AFG2A: variants seen among roughly 807,000 people sequenced by gnomAD.
AFG2A encodes the protein AAA ATPase AFG2A.
the AFG2A span, among the ~76,000 whole-genome samples, chr4:123,160,921 AAT>A: frequency 1.3e-5 from 2 of 152,196 alleles, no homozygotes; most frequent in Non-Finnish European, 2.9e-5. Flanking sequence ...CAATTATAAC[AAT>A]ATGCTATAAT....
At chr4:123,213,379 A>G in the AFG2A span, among the ~76,000 whole-genome samples, 1 of 152,144 alleles carries the variant, frequency 6.6e-6, no homozygotes, top group African/African-American at 2.4e-5. Flanking sequence ...CCTAACAACA[A>G]CAAAAATCTT....
chr4:123,155,840 A>G, the AFG2A span, among the ~76,000 whole-genome samples: 3 of 152,174 alleles, frequency 2.0e-5, no homozygotes, highest in Non-Finnish European at 2.9e-5. Flanking sequence ...AGCAACTAAA[A>G]TGTTGTTTTT....
the AFG2A span, chr4:122,935,841 C>G: frequency 2.5e-6 from 4 of 1,603,692 alleles, no homozygotes; most frequent in Non-Finnish European, 3.4e-6. Flanking sequence ...AAATTATAAG[C>G]AAGTAAGTAC....
chr4:122,981,249 G>A, the AFG2A span, among the ~76,000 whole-genome samples: 1 of 152,140 alleles, frequency 6.6e-6, no homozygotes, highest in Non-Finnish European at 1.5e-5. Context: ...TGGATATACA[G>A]TTTTCCTGAC....
At chr4:123,081,241 C>A in the AFG2A span, among the ~76,000 whole-genome samples, 1 of 152,194 alleles carries the variant, frequency 6.6e-6, no homozygotes, top group Non-Finnish European at 1.5e-5. Context: ...CATTAAAAAT[C>A]CTTTGTGCCA....
At chr4:123,244,433 C>A in the AFG2A span, among the ~76,000 whole-genome samples, 1 of 152,190 alleles carries the variant, frequency 6.6e-6, no homozygotes, top group Non-Finnish European at 1.5e-5. Context: ...TCTGCAAGTG[C>A]AGGCAGGCAG....
chr4:123,115,240 C>T, the AFG2A span, among the ~76,000 whole-genome samples: 15,931 of 151,990 alleles, frequency 0.1, 939 homozygotes, highest in Middle Eastern at 0.2. Context: ...GAGACCCTGC[C>T]GGGGGGCACC....
the AFG2A span, among the ~76,000 whole-genome samples, chr4:123,197,910 C>T: frequency 6.6e-6 from 1 of 152,096 alleles, no homozygotes; most frequent in Non-Finnish European, 1.5e-5. Flanking sequence ...CTGAACAACA[C>T]ATTCCATTTA....
chr4:123,258,920 G>T, the AFG2A span, among the ~76,000 whole-genome samples: 1 of 142,648 alleles, frequency 7.0e-6, no homozygotes, highest in Non-Finnish European at 1.5e-5. Flanking sequence ...AGGCTGGAGT[G>T]CAGTGGCACG....
the AFG2A span, among the ~76,000 whole-genome samples, chr4:123,071,107 G>A: frequency 6.6e-6 from 1 of 152,170 alleles, no homozygotes; most frequent in Non-Finnish European, 1.5e-5. Context: ...ATCAGTGCCT[G>A]CAGGTTCAGG....
the AFG2A span, among the ~76,000 whole-genome samples, chr4:123,237,758 C>A: frequency 2.7e-5 from 4 of 150,794 alleles, no homozygotes; most frequent in African/African-American, 9.7e-5. Context: ...CCAGCATGAT[C>A]GACACAGAAG....
At chr4:123,155,095 T>C in the AFG2A span, among the ~76,000 whole-genome samples, 4,386 of 152,216 alleles carry the variant, frequency 0.029, 86 homozygotes, top group Non-Finnish European at 0.036. Flanking sequence ...TTTGTTTGTT[T>C]ATTTATTTAG....
chr4:123,160,289 A>G, the AFG2A span, among the ~76,000 whole-genome samples: 1 of 152,158 alleles, frequency 6.6e-6, no homozygotes, highest in Non-Finnish European at 1.5e-5. Flanking sequence ...TGGAGTACAG[A>G]CCTGCCCGTA....
chr4:123,112,960 G>A, the AFG2A span, among the ~76,000 whole-genome samples: 26 of 152,106 alleles, frequency 1.7e-4, no homozygotes, highest in Non-Finnish European at 3.1e-4. Context: ...GTTAAATCTG[G>A]TTTATAACTA....
At chr4:122,955,889 G>A in the AFG2A span, among the ~76,000 whole-genome samples, 37 of 152,294 alleles carry the variant, frequency 2.4e-4, no homozygotes, top group African/African-American at 8.9e-4. Flanking sequence ...ACAGGGATTA[G>A]TGGGCCTGGT....
At chr4:123,266,192 A>T in the AFG2A span, among the ~76,000 whole-genome samples, 3 of 152,018 alleles carry the variant, frequency 2.0e-5, no homozygotes, top group Non-Finnish European at 4.4e-5. Flanking sequence ...AACTCTTTTT[A>T]CTATATGAAA....
chr4:122,958,542 C>T, the AFG2A span, among the ~76,000 whole-genome samples: 3 of 152,142 alleles, frequency 2.0e-5, no homozygotes, highest in South Asian at 6.2e-4. Flanking sequence ...TAATTCAGGA[C>T]CAATCACTTA....
At chr4:123,149,061 G>T in the AFG2A span, among the ~76,000 whole-genome samples, 1 of 151,982 alleles carries the variant, frequency 6.6e-6, no homozygotes, top group Non-Finnish European at 1.5e-5. Flanking sequence ...GAGCCACGGC[G>T]CCTGGCACAC....
the AFG2A span, among the ~76,000 whole-genome samples, chr4:123,118,330 ATATATATATTATAT>A: frequency 5.2e-5 from 3 of 58,214 alleles, no homozygotes; most frequent in African/African-American, 1.3e-4. Flanking sequence ...ATTATATATA[ATATATATATTATAT>A]TATATATATT....
Sources: gnomAD v4.1 joint callset for allele counts (sites outside exome capture counted in the v4.1 genomes callset) on GRCh38, gnomAD v4.1.1 for gene constraint, MANE v1.5 for transcripts, NCBI Gene and HGNC (gene_info 2026-07-23, HGNC 2026-07-21) for gene names.